MACROD2: variants seen among roughly 807,000 people sequenced by gnomAD.
The protein encoded by MACROD2 is mono-ADP ribosylhydrolase 2, also known as ADP-ribose glycohydrolase MACROD2.
Under a neutral mutation model 70.4 loss-of-function variants are expected in MACROD2, and 36 were observed. The observed-to-expected ratio is 0.51, with a 90% CI of 0.39 to 0.68. MACROD2 has a LOEUF of 0.68. Among genes scored for constraint, MACROD2 ranks in the 30% least tolerant of loss-of-function variants. The probability of loss-of-function intolerance (pLI) is 0.00; values close to 1 mark genes in which losing one functional copy is unlikely to be tolerated. For synonymous variants in MACROD2, 172 were observed against 178.8 expected, an observed-to-expected ratio of 0.96 and a Z score of 0.30; for missense variants, 496 against 538.4, an observed-to-expected ratio of 0.92 and a Z score of 0.78.
rs149331093 is a variant in MACROD2, at chr20:14,890,132, G to T, written c.418+205173G>T. Among the ~76,000 whole-genome samples, 3 of 152,236 alleles carry T rather than the reference G, an allele frequency of 2.0e-5. No homozygotes were observed. The East Asian group carries it at 5.8e-4, about 29-fold the overall frequency. On this transcript the variant is annotated intron_variant, in intron 5 of 17. Transcript: ENST00000684519. The stretch of plus-strand genomic sequence containing the variant: ...TGTTATGGAAATGGAAGCAGGTTTT[G>T]TTGGGGAGAATGAAGAATTTAAGTT...
At chr20:15,243,875 A>G (rs1568664327) in intron 6 of MACROD2, among the ~76,000 whole-genome samples, 1 of 152,016 alleles carries the variant, frequency 6.6e-6, no homozygotes, top group Non-Finnish European at 1.5e-5. Flanking sequence ...GCAGTGAGCC[A>G]AGATTACGCC....
Position 14,829,619 on chromosome 20 carries a change from GA to G in MACROD2, c.418+144662del, listed in dbSNP as rs141254070. The stretch of plus-strand genomic sequence containing the variant: ...TGGAGCAGTACCATATTTAGAATGC[GA>G]ATATTAGTGCCTCCATAGTCTGACC... On this transcript the variant is annotated intron_variant, in intron 5 of 17. Transcript: ENST00000684519. 9.0e-4 allele frequency among the ~76,000 whole-genome samples: 137 copies of G among 152,094 alleles called. 1 individual carries two copies. Among genetic ancestry groups the G allele is most frequent in the African/African-American group, 3.2e-3 (131 of 41,502 alleles).
At chr20:15,636,098 A>AAAG (rs1415234953) in intron 8 of MACROD2, among the ~76,000 whole-genome samples, 28 of 138,510 alleles carry the variant, frequency 2.0e-4, no homozygotes, top group African/African-American at 7.2e-4. Context: ...AAAAAGAAAG[A>AAAG]AAAGAAAAGA....
chr20:14,800,571 G>A (rs2072562688), intron 5 of MACROD2, among the ~76,000 whole-genome samples: 1 of 152,054 alleles, frequency 6.6e-6, no homozygotes, highest in African/African-American at 2.4e-5. Flanking sequence ...TCAGTGGAAG[G>A]TCTTTTCTTA....
intron 8 of MACROD2, among the ~76,000 whole-genome samples, chr20:15,582,927 T>C (rs757129141): frequency 1.5e-4 from 23 of 152,224 alleles, no homozygotes; most frequent in Non-Finnish European, 2.9e-4. Flanking sequence ...CCTGGAGTTC[T>C]GGCAATTGAA....
chr20:14,717,653 C>T (rs1282687532), intron 5 of MACROD2, among the ~76,000 whole-genome samples: 2 of 151,226 alleles, frequency 1.3e-5, no homozygotes, highest in South Asian at 2.1e-4. Flanking sequence ...CCAGTTTTAA[C>T]GTGACCAATA....
intron 5 of MACROD2, among the ~76,000 whole-genome samples, chr20:14,690,429 A>T (rs6105308): frequency 6.6e-6 from 1 of 152,044 alleles, no homozygotes; most frequent in Non-Finnish European, 1.5e-5. Context: ...AATAATAATC[A>T]GATGATAGTA....
chr20:14,204,197 G>C (rs952582709), intron 3 of MACROD2, among the ~76,000 whole-genome samples: 1 of 152,178 alleles, frequency 6.6e-6, no homozygotes, highest in African/African-American at 2.4e-5. Context: ...TCAGGCTCTG[G>C]AGAATGCATG....
chr20:15,515,020 GA>G, intron 8 of MACROD2, among the ~76,000 whole-genome samples: 1 of 152,296 alleles, frequency 6.6e-6, no homozygotes, highest in African/African-American at 2.4e-5. Context: ...ATACAACTTA[GA>G]AAGAGTTGCT....
intron 5 of MACROD2, among the ~76,000 whole-genome samples, chr20:15,016,521 C>T (rs1379048106): frequency 6.6e-6 from 1 of 152,050 alleles, no homozygotes; most frequent in African/African-American, 2.4e-5. Context: ...GGCTTGGTAC[C>T]CTCCCCACAG....
chr20:15,959,035 C>T (rs1488093783), intron 12 of MACROD2, among the ~76,000 whole-genome samples: 2 of 152,026 alleles, frequency 1.3e-5, no homozygotes, highest in East Asian at 1.9e-4. Context: ...ATAGTCATTG[C>T]GTTAGGAAAA....
chr20:15,492,876 C>G (rs1725239527), intron 7 of MACROD2, among the ~76,000 whole-genome samples: 1 of 152,100 alleles, frequency 6.6e-6, no homozygotes, highest in African/African-American at 2.4e-5. Context: ...CTCCTAACTT[C>G]TGGATATTTA....
chr20:14,904,745 G>T (rs2073938371), intron 5 of MACROD2, among the ~76,000 whole-genome samples: 1 of 152,030 alleles, frequency 6.6e-6, no homozygotes, highest in African/African-American at 2.4e-5. Flanking sequence ...TATCAAACTG[G>T]ATTATTATAA....
chr20:15,276,060 T>G (rs1349760781), intron 6 of MACROD2, among the ~76,000 whole-genome samples: 1 of 152,168 alleles, frequency 6.6e-6, no homozygotes, highest in Non-Finnish European at 1.5e-5. Context: ...TTACAAAACT[T>G]TTCTTAATAG....
intron 10 of MACROD2, among the ~76,000 whole-genome samples, chr20:15,889,878 G>T (rs1049478639): frequency 4.6e-5 from 7 of 152,122 alleles, no homozygotes; most frequent in Non-Finnish European, 8.8e-5. Context: ...GGGCAAGCTA[G>T]AAAACATGAT....
chr20:16,023,732 TAC>T (rs953759797), intron 15 of MACROD2, among the ~76,000 whole-genome samples: 1 of 152,132 alleles, frequency 6.6e-6, no homozygotes, highest in African/African-American at 2.4e-5. Context: ...CTCAGAATTG[TAC>T]AGTCATGGGT....
intron 4 of MACROD2, among the ~76,000 whole-genome samples, chr20:14,680,463 G>A (rs2058563720): frequency 6.6e-6 from 1 of 152,044 alleles, no homozygotes; most frequent in African/African-American, 2.4e-5. Flanking sequence ...ATTTATCATA[G>A]AACTTAAGAA....
chr20:14,273,944 G>T (rs1417851721), intron 3 of MACROD2, among the ~76,000 whole-genome samples: 1 of 152,090 alleles, frequency 6.6e-6, no homozygotes, highest in Non-Finnish European at 1.5e-5. Flanking sequence ...GACTAAACCA[G>T]GAAGAAGTTG....
intron 3 of MACROD2, among the ~76,000 whole-genome samples, chr20:14,158,447 C>T (rs2055135970): frequency 1.3e-5 from 2 of 152,016 alleles, no homozygotes; most frequent in South Asian, 4.1e-4. Context: ...CTTAATGTCT[C>T]TATTTTTTGT....
Sources: gnomAD v4.1 joint callset for allele counts (sites outside exome capture counted in the v4.1 genomes callset) on GRCh38, gnomAD v4.1.1 for gene constraint, MANE v1.5 for transcripts, NCBI Gene and HGNC (gene_info 2026-07-23, HGNC 2026-07-21) for gene names.